The following HS3ST4 variants were observed in gnomAD, a reference collection of about 807,000 sequenced individuals.
The protein encoded by HS3ST4 is heparan sulfate glucosamine 3-O-sulfotransferase 4.
In HS3ST4, 17 loss-of-function variants were observed where a neutral mutation model predicts 29.2. The observed-to-expected ratio is 0.58, with a 90% CI of 0.40 to 0.87. The LOEUF is 0.87. Ranked by LOEUF, HS3ST4 falls within the 40% of genes least tolerant of loss-of-function variation. HS3ST4 has a pLI of 0.00. For synonymous variants in HS3ST4, 314 were observed against 285.7 expected (o/e 1.10, Z -1.00); for missense variants, 627 against 634.5 (o/e 0.99, Z 0.13).
intron 1 of HS3ST4, among the ~76,000 whole-genome samples, chr16:25,762,591 C>T (rs1329902480): frequency 1.3e-5 from 2 of 152,054 alleles, no homozygotes; most frequent in Non-Finnish European, 2.9e-5. Context: ...TGGCTCACAC[C>T]TGCAACCCCA....
At chr16:26,118,050 C>A (rs112476869) in intron 1 of HS3ST4, among the ~76,000 whole-genome samples, 3,523 of 152,202 alleles carry the variant, frequency 0.023, 76 homozygotes, top group Non-Finnish European at 0.033. Flanking sequence ...GTAGAATGGT[C>A]ACAGAAAGTC....
intron 1 of HS3ST4, among the ~76,000 whole-genome samples, chr16:25,995,379 T>A (rs2141730667): frequency 6.6e-6 from 1 of 152,178 alleles, no homozygotes; most frequent in East Asian, 1.9e-4. Flanking sequence ...TTGTCCCAGC[T>A]CTTGGTTATG....
chr16:25,837,660 C>T (rs931997589), intron 1 of HS3ST4, among the ~76,000 whole-genome samples: 3 of 152,022 alleles, frequency 2.0e-5, no homozygotes, highest in African/African-American at 7.2e-5. Context: ...ATAACAGATT[C>T]ACTGAAGAAA....
intron 1 of HS3ST4, among the ~76,000 whole-genome samples, chr16:25,835,397 C>T (rs1967346717): frequency 1.3e-5 from 2 of 151,986 alleles, no homozygotes. Context: ...CTTGTAGGCT[C>T]TTTTTATATT....
chr16:25,798,521 A>G (rs1966902866), intron 1 of HS3ST4, among the ~76,000 whole-genome samples: 1 of 152,310 alleles, frequency 6.6e-6, no homozygotes, highest in Non-Finnish European at 1.5e-5. Flanking sequence ...TCCAATTAGA[A>G]ATGTGTACTT....
chr16:26,032,315 G>A lies in HS3ST4; in HGVS notation c.735-103297G>A, dbSNP rs1596656767. ...AGAGGAAGTCTCTCAAAACTAGAAG[G>A]GAAAGGTGTTTTCTCCACATCAATC... On this transcript the variant is annotated intron_variant, in intron 1 of 1. Transcript: ENST00000331351. 3.3e-5 allele frequency among the ~76,000 whole-genome samples: 5 copies of A among 152,112 alleles called. No individual in the cohort carries two copies. The East Asian group carries it at 9.7e-4, about 29-fold the overall frequency.
At chr16:25,992,088 G>A (rs1404597895) in intron 1 of HS3ST4, among the ~76,000 whole-genome samples, 1 of 152,154 alleles carries the variant, frequency 6.6e-6, no homozygotes, top group Non-Finnish European at 1.5e-5. Context: ...TATCTACCAA[G>A]TGCATGGTGC....
chr16:25,730,983 G>T (rs1966566771), intron 1 of HS3ST4, among the ~76,000 whole-genome samples: 1 of 152,148 alleles, frequency 6.6e-6, no homozygotes, highest in South Asian at 2.1e-4. Flanking sequence ...ATACAGGGTG[G>T]AGTCCAGGAG....
rs142031414 is a variant in HS3ST4, at chr16:26,053,911, G to A, written c.735-81701G>A. On this transcript the variant is annotated intron_variant, in intron 1 of 1. Transcript: ENST00000331351. ...TCATAAAACATGCCTATCATGTGAC[G>A]GCAGAAGTGCACTGCTCCACAGAGG... Among the ~76,000 whole-genome samples the A allele has an allele frequency of 5.6e-3, 852 of 151,978 alleles. 8 individuals carry two copies. Among genetic ancestry groups the A allele is most frequent in the African/African-American group, 0.019 (774 of 41,446 alleles).
chr16:25,837,666 A>T (rs1967371477), intron 1 of HS3ST4, among the ~76,000 whole-genome samples: 1 of 152,188 alleles, frequency 6.6e-6, no homozygotes, highest in South Asian at 2.1e-4. Flanking sequence ...GATTCACTGA[A>T]GAAATATGTG....
chr16:25,872,252 A>G (rs1028887516), intron 1 of HS3ST4, among the ~76,000 whole-genome samples: 2 of 152,312 alleles, frequency 1.3e-5, no homozygotes, highest in African/African-American at 4.8e-5. Flanking sequence ...CTTAAGGGCT[A>G]CTGACAGAAA....
intron 1 of HS3ST4, among the ~76,000 whole-genome samples, chr16:25,906,607 A>C (rs548931612): frequency 6.6e-6 from 1 of 152,304 alleles, no homozygotes; most frequent in East Asian, 1.9e-4. Flanking sequence ...TAAATGCTGA[A>C]ATAGAGAGAT....
intron 1 of HS3ST4, among the ~76,000 whole-genome samples, chr16:26,018,563 A>T (rs1030990323): frequency 6.6e-6 from 1 of 152,170 alleles, no homozygotes; most frequent in South Asian, 2.1e-4. Flanking sequence ...TGTTTTACAC[A>T]TGAGAAAACT....
intron 1 of HS3ST4, among the ~76,000 whole-genome samples, chr16:25,792,130 C>T (rs996451099): frequency 2.0e-5 from 3 of 151,712 alleles, no homozygotes; most frequent in Admixed American, 2.0e-4. Flanking sequence ...TTTTTATTAA[C>T]ATGGTGAGTT....
intron 1 of HS3ST4, among the ~76,000 whole-genome samples, chr16:26,063,475 T>G (rs1898504967): frequency 6.6e-6 from 1 of 151,080 alleles, no homozygotes; most frequent in African/African-American, 2.4e-5. Flanking sequence ...GCCAGGAGTT[T>G]GAGACCAGCC....
At chr16:25,991,371 TTC>T (rs1969112418) in intron 1 of HS3ST4, among the ~76,000 whole-genome samples, 1 of 152,206 alleles carries the variant, frequency 6.6e-6, no homozygotes, top group African/African-American at 2.4e-5. Flanking sequence ...ATCACTTTAT[TTC>T]TGTGTTGACA....
chr16:26,095,474 G>A (rs1367135982), intron 1 of HS3ST4, among the ~76,000 whole-genome samples: 3 of 152,264 alleles, frequency 2.0e-5, no homozygotes, highest in Non-Finnish European at 2.9e-5. Flanking sequence ...ACTCAAAATC[G>A]CACAACTACA....
chr16:25,733,234 A>G (rs1966583928), intron 1 of HS3ST4, among the ~76,000 whole-genome samples: 1 of 152,136 alleles, frequency 6.6e-6, no homozygotes, highest in Non-Finnish European at 1.5e-5. Context: ...CGCTTTTTCT[A>G]TCTTTGGTTA....
chr16:26,002,215 C>T (rs779451686), intron 1 of HS3ST4, among the ~76,000 whole-genome samples: 40 of 152,022 alleles, frequency 2.6e-4, no homozygotes, highest in Non-Finnish European at 4.4e-4. Context: ...GTCAAATCTC[C>T]CTATGAAATC....
Sources: allele counts gnomAD v4.1 joint callset (sites outside exome capture counted in the v4.1 genomes callset), GRCh38; gene constraint gnomAD v4.1.1; transcripts MANE v1.5; gene names NCBI Gene and HGNC (gene_info 2026-07-23, HGNC 2026-07-21).